Variants in PLPPR1 observed in about 807,000 individuals in gnomAD.
PLPPR1 encodes the protein phospholipid phosphatase related 1, also known as phospholipid phosphatase-related protein type 1.
PLPPR1 carries 10 observed loss-of-function variants against 33.1 expected under a neutral mutation model. The observed-to-expected ratio is 0.30, with a 90% CI of 0.19 to 0.51. The LOEUF (loss-of-function observed/expected upper bound fraction) is 0.51, where lower values mean the gene tolerates loss of function less well. PLPPR1 is among the 20% of genes least tolerant of loss of function. PLPPR1 has a pLI of 0.97. For synonymous variants in PLPPR1, 151 were observed against 151.0 expected, an observed-to-expected ratio of 1.00 and a Z score of 0.00; for missense variants, 304 against 408.1, an observed-to-expected ratio of 0.74 and a Z score of 2.20.
intron 4 of PLPPR1, among the ~76,000 whole-genome samples, chr9:101,300,645 A>AACTT (rs1397259112): frequency 6.6e-6 from 1 of 152,206 alleles, no homozygotes; most frequent in African/African-American, 2.4e-5. Flanking sequence ...CAGCTTTAGA[A>AACTT]ACTTACAAAC....
In PLPPR1 at chr9:101,060,980, A is replaced by G. The variant is rs185943127; in HGVS notation, c.-46+31878A>G. Among the ~76,000 whole-genome samples the G allele has an allele frequency of 2.1e-3, 323 of 151,922 alleles. 1 individual carries two copies. The highest frequency in any genetic ancestry group is 5.8e-3 in the Admixed American group (89 of 15,236). On this transcript the variant is annotated intron_variant, in intron 1 of 7. Coordinates refer to ENST00000374874, the MANE Select transcript of PLPPR1 (RefSeq NM_207299.2). ...ACCAAACTCTGAACTGCTTTTGACC[A>G]TTTTCTCAAACTAATCCTAGTGTCT...
At chr9:101,170,513 G>A (rs1825926076) in intron 1 of PLPPR1, among the ~76,000 whole-genome samples, 1 of 152,154 alleles carries the variant, frequency 6.6e-6, no homozygotes, top group Non-Finnish European at 1.5e-5. Flanking sequence ...TGAGATTGTG[G>A]GAGCTATAAT....
chr9:101,143,943 G>A (rs1831488815), intron 1 of PLPPR1, among the ~76,000 whole-genome samples: 1 of 152,222 alleles, frequency 6.6e-6, no homozygotes, highest in East Asian at 1.9e-4. Context: ...TATACCCAAA[G>A]GATTATAAAT....
rs55685639 is a variant in PLPPR1, at chr9:101,090,718, AAAACAAAC to A, written c.-46+61646_-46+61653del. Among the ~76,000 whole-genome samples the A allele has an allele frequency of 9.9e-3, 1,480 of 150,030 alleles. 22 individuals are homozygous for A. Among genetic ancestry groups the A allele is most frequent in the African/African-American group, 0.029 (1,185 of 40,358 alleles). On this transcript the variant is annotated intron_variant, in intron 1 of 7. Transcript: ENST00000374874. ...GGACGACAGAGCAAGACTCTGTCTCAAAACAAACAAACAAACAAACAAACAAACAAACA... is the reference window on the plus strand; with the variant it reads ...GGACGACAGAGCAAGACTCTGTCTCAAAACAAACAAACAAACAAACAAACA...
chr9:101,317,304 C>T (rs919985713), intron 6 of PLPPR1, 61 bp from the exon 7 acceptor site: 1 of 1,552,506 alleles, frequency 6.4e-7, no homozygotes, highest in Non-Finnish European at 8.8e-7. Flanking sequence ...GCCACCCTCA[C>T]AGATGCCAGG....
rs1435720337 is a variant in PLPPR1 at position 101,107,708 on chromosome 9, C to G, written c.-45-77742C>G. Among the ~76,000 whole-genome samples, 90 of 99,802 alleles carry G rather than the reference C, an allele frequency of 9.0e-4. 2 individuals are homozygous for G. The highest frequency in any genetic ancestry group is 1.3e-3 in the Non-Finnish European group (68 of 51,468). The allele number at this position is 99,802 out of a possible 152,430, so 65.5% of individuals were successfully genotyped here. ...CGAGCTTCCCGGCTGCTTTGTTTAC[C>G]TAAGCAAGCCTGGGCAATGGCGGGC... On this transcript the variant is annotated intron_variant, in intron 1 of 7. Coordinates refer to ENST00000374874, the MANE Select transcript of PLPPR1 (RefSeq NM_207299.2).
chr9:101,249,716 T>C (rs1042580933), intron 2 of PLPPR1, among the ~76,000 whole-genome samples: 3 of 152,094 alleles, frequency 2.0e-5, no homozygotes, highest in African/African-American at 7.2e-5. Flanking sequence ...AGGTGAGCGT[T>C]ATGAAATGGT....
At chr9:101,305,774 C>T (rs1828849478) in intron 4 of PLPPR1, among the ~76,000 whole-genome samples, 1 of 152,070 alleles carries the variant, frequency 6.6e-6, no homozygotes, top group Non-Finnish European at 1.5e-5. Flanking sequence ...ACTGTTTCTA[C>T]TACATTCTTG....
At chr9:101,194,704 T>C (rs1005787910) in intron 2 of PLPPR1, among the ~76,000 whole-genome samples, 2 of 146,876 alleles carry the variant, frequency 1.4e-5, no homozygotes, top group African/African-American at 5.1e-5. Flanking sequence ...TGAGCCGAGA[T>C]AGAGCGCCGT....
intron 1 of PLPPR1, among the ~76,000 whole-genome samples, chr9:101,087,903 T>C (rs1271171988): frequency 6.6e-6 from 1 of 152,190 alleles, no homozygotes; most frequent in Non-Finnish European, 1.5e-5. Flanking sequence ...ATTCCTTTAA[T>C]CTGAAATTTG....
intron 7 of PLPPR1, 21 bp from the exon 8 acceptor site, chr9:101,324,004 C>G (rs367856450): frequency 3.1e-6 from 5 of 1,610,480 alleles, no homozygotes; most frequent in Non-Finnish European, 4.2e-6. Context: ...CAGATTTTAT[C>G]TGCTTGTGTT....
At chr9:101,261,061 G>A (rs1827889803) in intron 2 of PLPPR1, among the ~76,000 whole-genome samples, 1 of 152,112 alleles carries the variant, frequency 6.6e-6, no homozygotes, top group Admixed American at 6.5e-5. Context: ...ATTGTACTAA[G>A]CTTTTTATAT....
At chr9:101,318,494 G>A (rs1829096034) in intron 7 of PLPPR1, among the ~76,000 whole-genome samples, 1 of 151,346 alleles carries the variant, frequency 6.6e-6, no homozygotes. Context: ...AAGACAGGCC[G>A]AGCGTGGTGG....
chr9:101,155,110 T>TAA (rs71356336), intron 1 of PLPPR1, among the ~76,000 whole-genome samples: 148 of 149,688 alleles, frequency 9.9e-4, no homozygotes, highest in Middle Eastern at 3.4e-3. Flanking sequence ...TAAAGTATAA[T>TAA]AAAAAAAAAA....
At chr9:101,276,931 A>G (rs868594122) in intron 3 of PLPPR1, among the ~76,000 whole-genome samples, 2 of 152,358 alleles carry the variant, frequency 1.3e-5, no homozygotes, top group African/African-American at 2.4e-5. Context: ...GCTGAATTGC[A>G]TCATTTACAC....
intron 1 of PLPPR1, among the ~76,000 whole-genome samples, chr9:101,096,874 G>A (rs13285391): frequency 0.21 from 32,375 of 151,842 alleles, 3,569 homozygotes; most frequent in East Asian, 0.35. Flanking sequence ...AAAGCACTCT[G>A]GGTAACATAG....
intron 1 of PLPPR1, 88 bp from the exon 2 acceptor site, chr9:101,185,362 G>A: frequency 1.9e-6 from 1 of 524,088 alleles, no homozygotes. Flanking sequence ...CTAGAAAGCT[G>A]ATATCTAGTA....
chr9:101,212,080 A>G (rs1329799973), intron 2 of PLPPR1, among the ~76,000 whole-genome samples: 1 of 151,052 alleles, frequency 6.6e-6, no homozygotes, highest in African/African-American at 2.4e-5. Flanking sequence ...AATCTTGGCT[A>G]TTGTTTGTTT....
intron 1 of PLPPR1, among the ~76,000 whole-genome samples, chr9:101,134,612 GAGCTCA>G (rs1463956747): frequency 6.6e-6 from 1 of 152,104 alleles, no homozygotes; most frequent in Non-Finnish European, 1.5e-5. Flanking sequence ...TTGAACTCCT[GAGCTCA>G]AGTGATTTGC....
Sources: allele counts gnomAD v4.1 joint callset (sites outside exome capture counted in the v4.1 genomes callset), GRCh38; gene constraint gnomAD v4.1.1; transcripts MANE v1.5; gene names NCBI Gene and HGNC (gene_info 2026-07-23, HGNC 2026-07-21).